DIRAS3: variants seen among roughly 807,000 people sequenced by gnomAD.
DIRAS3 encodes DIRAS family GTPase 3.
For synonymous variants in DIRAS3, 133 were observed against 131.4 expected (o/e 1.01, Z -0.08); for missense variants, 248 against 300.6 (o/e 0.83, Z 1.29).
chr1:68,048,763 A>T (rs1645704730), intron 1 of DIRAS3, among the ~76,000 whole-genome samples: 1 of 137,950 alleles, frequency 7.2e-6, no homozygotes. Context: ...TTTTTGAGTC[A>T]GGGTCTTGCT....
intron 1 of DIRAS3, 23 bp from the exon 2 acceptor site, chr1:68,047,385 AG>A: frequency 8.4e-7 from 1 of 1,194,080 alleles, no homozygotes; most frequent in Non-Finnish European, 1.2e-6. Context: ...TGAGACGGTG[AG>A]AGATGGTAGT....
intron 1 of DIRAS3, 21 bp from the exon 2 acceptor site, chr1:68,047,383 TGA>T (rs1212357196): frequency 8.2e-7 from 1 of 1,222,136 alleles, no homozygotes; most frequent in African/African-American, 1.5e-5. Flanking sequence ...AGTGAGACGG[TGA>T]GAGATGGTAG....
chr1:68,048,052 ATATATATATATATATAT>A (rs1645696684), intron 1 of DIRAS3, among the ~76,000 whole-genome samples: 1 of 74,858 alleles, frequency 1.3e-5, no homozygotes, highest in Non-Finnish European at 2.6e-5. Context: ...AAAAAAAAAT[ATATATATATATATATAT>A]ATATATATAT....
At position 68,050,321 on chromosome 1, in the gene DIRAS3, A is replaced by G. The variant is rs1450143651; in HGVS notation, c.-66+227T>C. 6.6e-6 allele frequency among the ~76,000 whole-genome samples: 1 copy of G among 152,150 alleles called. No homozygotes were observed. Among genetic ancestry groups the G allele is most frequent in the Non-Finnish European group, 1.5e-5 (1 of 68,018 alleles). The stretch of plus-strand genomic sequence containing the variant: ...CACACTTATCAAACCTCGTTCTTCT[A>G]TATTAAAAAGTGCTAGCTTCCCAAC... On this transcript the variant is annotated intron_variant, in intron 1 of 1. Transcript: ENST00000646789. The surrounding 1 kb of genome is among the most constrained non-coding windows in gnomAD (Gnocchi z 4.5).
At chr1:68,049,280 A>G (rs918837262) in intron 1 of DIRAS3, 1 of 152,220 alleles carries the variant, frequency 6.6e-6, no homozygotes, top group Non-Finnish European at 1.5e-5. Context: ...TATCTAAACC[A>G]TTCATTTTTG....
At position 68,047,333 on chromosome 1, in the gene DIRAS3, C is replaced by T; in HGVS notation, c.-36G>A. On this transcript the variant is annotated 5_prime_UTR_variant, in exon 2 of 2. Coordinates refer to ENST00000646789, the MANE Select transcript of DIRAS3 (RefSeq NM_004675.5). ...CGGAGGGGAGATACGTGCACAAGTTCTCCCACACTTAGCTGGCAGCAGGAG... is the reference window on the plus strand; with the variant it reads ...CGGAGGGGAGATACGTGCACAAGTTTTCCCACACTTAGCTGGCAGCAGGAG... The T allele has an allele frequency of 3.2e-6, 5 of 1,585,716 alleles. No individual in the cohort carries two copies. Among genetic ancestry groups the T allele is most frequent in the Non-Finnish European group, 4.3e-6 (5 of 1,162,322 alleles).
In DIRAS3 at chr1:68,046,226, C is replaced by A. The variant is rs899912284; in HGVS notation, c.*382G>T. 1 of 168,208 alleles carries A rather than the reference C, an allele frequency of 5.9e-6. No individual in the cohort carries two copies. The highest frequency in any genetic ancestry group is 2.4e-5 in the African/African-American group (1 of 41,692). The allele number at this position is 168,208 out of a possible 1,614,324, so 10.4% of individuals were successfully genotyped here. A position where few individuals can be genotyped will look rare whatever the true frequency, so the allele number is the denominator to read the frequency against. On this transcript the variant is annotated 3_prime_UTR_variant, in exon 2 of 2. Coordinates refer to ENST00000646789, the MANE Select transcript of DIRAS3 (RefSeq NM_004675.5). The stretch of plus-strand genomic sequence containing the variant: ...CACAATTAAAAGATATGATTAAGCA[C>A]TTACAGGATGTGAAATATTTAAAGG...
rs1330726851 is a variant in DIRAS3, at chr1:68,046,731, C to G, written c.567G>C (p.Gln189His). ...EISAKTDVNVQELFHMLLNYK... is the reference protein window; with the variant it reads ...EISAKTDVNVHELFHMLLNYK... ...AATTCAGCAGCATGTGGAACAGCTC[C>G]TGCACATTCACATCGGTCTTGGCTG... The change falls in exon 2 of 2, where the codon CAG (glutamine) becomes CAC (histidine). Residue 189 changes from glutamine to histidine, a missense_variant. Gln to His is a conservative substitution (Grantham distance 24). Coordinates refer to ENST00000646789, the MANE Select transcript of DIRAS3 (RefSeq NM_004675.5). 1 of 1,614,040 alleles carries G rather than the reference C, an allele frequency of 6.2e-7. No individual in the cohort carries two copies. The highest frequency in any genetic ancestry group is 2.2e-5 in the East Asian group (1 of 44,886).
At position 68,046,673 on chromosome 1, in the gene DIRAS3, G is replaced by T. The variant is rs1557688612; in HGVS notation, c.625C>A (p.Pro209Thr). 2 of 1,614,182 alleles carry T rather than the reference G, an allele frequency of 1.2e-6. No homozygotes were observed. Among genetic ancestry groups the T allele is most frequent in the Non-Finnish European group, 1.7e-6 (2 of 1,180,036 alleles). The change falls in exon 2 of 2, where the codon CCC (proline) becomes ACC (threonine). Residue 209 changes from proline to threonine, a missense_variant. Physicochemically the swap from Pro to Thr is conservative, Grantham distance 38 (BLOSUM62 -1). Transcript: ENST00000646789. The stretch of plus-strand genomic sequence containing the variant: ...TTGGGCATCTGGGATTTCTTCTCGG[G>T]CTCCTGGAGGCCGGTGGTGGGCTTT... ...KKKPTTGLQE[P>T]EKKSQMPNTT...
intron 1 of DIRAS3, among the ~76,000 whole-genome samples, chr1:68,047,802 C>T (rs1040092513): frequency 6.6e-6 from 1 of 150,526 alleles, no homozygotes; most frequent in South Asian, 2.1e-4. Flanking sequence ...GTGACACCGC[C>T]GCCCTGGTTA....
rs553888339 is a variant in DIRAS3, at chr1:68,046,857, G to A, written c.441C>T (p.Ile147=). ...IKGNNLHKFP[I]VLVGNKSDDT... is the part of the protein sequence containing the mutation. ...CATCACTTTTATTGCCCACCAGCAC[G>A]ATGGGGAACTTATGCAGGTTGTTAC... The change falls in exon 2 of 2, where the codon ATC becomes ATT. Residue 147 remains isoleucine (I), a synonymous_variant. Coordinates refer to ENST00000646789, the MANE Select transcript of DIRAS3 (RefSeq NM_004675.5). The A allele has an allele frequency of 5.6e-6, 9 of 1,614,170 alleles. No homozygotes were observed. In the African/African-American group the frequency reaches 8.0e-5, roughly 14 times the overall value.
chr1:68,050,434 G>C lies in DIRAS3; in HGVS notation c.-66+114C>G, dbSNP rs1417161906. 1 of 152,200 alleles carries C rather than the reference G, an allele frequency of 6.6e-6. No homozygotes were observed. The highest frequency in any genetic ancestry group is 1.5e-5 in the Non-Finnish European group (1 of 68,042). The allele number at this position is 152,200 out of a possible 1,614,324, so 9.4% of individuals were successfully genotyped here. On this transcript the variant is annotated intron_variant, in intron 1 of 1. Transcript: ENST00000646789. This position sits in a 1 kb window ranked among gnomAD's most constrained non-coding sequence, Gnocchi z 4.5. ...GCGTAATCGCGCCAAGAAAGACCTGGTTCCAGTTTCAGGGACAACTCGCCC... is the reference window on the plus strand; with the variant it reads ...GCGTAATCGCGCCAAGAAAGACCTGCTTCCAGTTTCAGGGACAACTCGCCC...
chr1:68,046,560 TTTCTACACGC>T lies in DIRAS3; in HGVS notation c.*38_*47del. Reference sequence around the variant, plus strand: ...GTAACATAGTGAAATGAGTCCACGTTTTCTACACGCTACAGGATAGGAAGAGCTGGCTCTT... The same window carrying T: ...GTAACATAGTGAAATGAGTCCACGTTTACAGGATAGGAAGAGCTGGCTCTT... On this transcript the variant is annotated 3_prime_UTR_variant, in exon 2 of 2. Transcript: ENST00000646789. 1 of 1,547,166 alleles carries T rather than the reference TTTCTACACGC, an allele frequency of 6.5e-7. No homozygotes were observed.
rs1185106130 is a variant in DIRAS3, at chr1:68,047,826, A to G, written c.-65-464T>C. Among the ~76,000 whole-genome samples the G allele has an allele frequency of 3.3e-5, 5 of 150,918 alleles. No homozygotes were observed. In the East Asian group the frequency reaches 7.9e-4, roughly 24 times the overall value. ...CCGCCCTGGTTAAAGCTACAGAGTC[A>G]TCAGTACAGGAGAAAGGAGGGGGTT... On this transcript the variant is annotated intron_variant, in intron 1 of 1. Transcript: ENST00000646789.
chr1:68,049,073 T>A (rs1375533052), intron 1 of DIRAS3, among the ~76,000 whole-genome samples: 1 of 152,018 alleles, frequency 6.6e-6, no homozygotes, highest in East Asian at 1.9e-4. Context: ...AAAAAAAATG[T>A]TGTTGCTGGT....
Position 68,050,445 on chromosome 1 carries a change from AG to A in DIRAS3, c.-66+102del, listed in dbSNP as rs1476215694. On this transcript the variant is annotated intron_variant, in intron 1 of 1. Coordinates refer to ENST00000646789, the MANE Select transcript of DIRAS3 (RefSeq NM_004675.5). The surrounding 1 kb of genome is among the most constrained non-coding windows in gnomAD (Gnocchi z 4.5). ...CCAAGAAAGACCTGGTTCCAGTTTC[AG>A]GGACAACTCGCCCATAAACTTCTAC... 6.6e-6 allele frequency: 1 copy of A among 152,194 alleles called. No individual in the cohort carries two copies. Among genetic ancestry groups the A allele is most frequent in the Non-Finnish European group, 1.5e-5 (1 of 68,032 alleles). The allele number at this position is 152,194 out of a possible 1,614,324, so 9.4% of individuals were successfully genotyped here. A position where few individuals can be genotyped will look rare whatever the true frequency, so the allele number is the denominator to read the frequency against.
At chr1:68,049,970 C>CG (rs1355545351) in intron 1 of DIRAS3, among the ~76,000 whole-genome samples, 2 of 148,848 alleles carry the variant, frequency 1.3e-5, no homozygotes, top group Admixed American at 6.6e-5. Context: ...ACCCCCCCCC[C>CG]CACTCCCCTC....
chr1:68,049,118 T>C (rs755674612), intron 1 of DIRAS3, among the ~76,000 whole-genome samples: 19 of 152,216 alleles, frequency 1.2e-4, no homozygotes, highest in Non-Finnish European at 2.5e-4. Context: ...CTTCTAATTC[T>C]AGTCTGGCTT....
chr1:68,048,439 G>A (rs1336943901), intron 1 of DIRAS3, among the ~76,000 whole-genome samples: 1 of 152,134 alleles, frequency 6.6e-6, no homozygotes, highest in Non-Finnish European at 1.5e-5. Flanking sequence ...GGTAGGAATA[G>A]TACAAGGCAA....
Sources: allele counts gnomAD v4.1 joint callset (sites outside exome capture counted in the v4.1 genomes callset), GRCh38; gene constraint gnomAD v4.1.1; non-coding constraint Gnocchi (gnomAD v3.1); transcripts MANE v1.5; gene names NCBI Gene and HGNC (gene_info 2026-07-23, HGNC 2026-07-21).